Variants in NAV2 observed in about 807,000 individuals in gnomAD.
The protein encoded by NAV2 is neuron navigator 2, also known as helicase, APC down-regulated 1.
A neutral mutation model predicts 223.2 loss-of-function variants in NAV2; 54 were observed. That is an observed-to-expected ratio of 0.24 (90% CI 0.19 to 0.30). NAV2 has a LOEUF of 0.30. NAV2 is among the 10% of genes least tolerant of loss of function. NAV2 has a pLI of 1.00. For synonymous variants in NAV2, 1,279 were observed against 1,239.3 expected, an observed-to-expected ratio of 1.03 and a Z score of -0.67; for missense variants, 2,806 against 3,147.5, an observed-to-expected ratio of 0.89 and a Z score of 2.60.
intron 10 of NAV2, among the ~76,000 whole-genome samples, chr11:19,960,258 A>C (rs1359775342): frequency 1.3e-5 from 2 of 152,176 alleles, no homozygotes; most frequent in Non-Finnish European, 2.9e-5. Flanking sequence ...AAGTGTGCTT[A>C]CATGTACAGG....
At chr11:19,764,758 C>A (rs1050845309) in intron 1 of NAV2, among the ~76,000 whole-genome samples, 1 of 152,152 alleles carries the variant, frequency 6.6e-6, no homozygotes. Flanking sequence ...GTCTAATCAT[C>A]TCAAACTGGT....
intron 1 of NAV2, among the ~76,000 whole-genome samples, chr11:19,420,951 T>C (rs1380190360): frequency 6.6e-6 from 1 of 152,198 alleles, no homozygotes; most frequent in African/African-American, 2.4e-5. Flanking sequence ...CCACGGTGCA[T>C]GGCAGGGTGC....
chr11:19,478,540 A>G (rs1327513878), intron 1 of NAV2, among the ~76,000 whole-genome samples: 1 of 152,242 alleles, frequency 6.6e-6, no homozygotes, highest in Admixed American at 6.5e-5. Context: ...TAATTAATTC[A>G]TCAAATATTG....
chr11:19,863,439 A>G (rs947629042), intron 3 of NAV2, among the ~76,000 whole-genome samples: 1 of 151,162 alleles, frequency 6.6e-6, no homozygotes, highest in African/African-American at 2.4e-5. Context: ...TATTCTCCCC[A>G]CTCTTGGTGC....
At chr11:19,541,840 G>A (rs936425821) in intron 1 of NAV2, among the ~76,000 whole-genome samples, 1 of 152,172 alleles carries the variant, frequency 6.6e-6, no homozygotes, top group African/African-American at 2.4e-5. Flanking sequence ...GCTCCATATG[G>A]CAATGACTAG....
chr11:19,455,426 T>C lies in NAV2; in HGVS notation c.75+104399T>C, dbSNP rs192562002. Among the ~76,000 whole-genome samples, 12 of 152,272 alleles carry C rather than the reference T, an allele frequency of 7.9e-5. No homozygotes were observed. The East Asian group carries it at 2.3e-3, about 29-fold the overall frequency. The stretch of plus-strand genomic sequence containing the variant: ...CATCACATTTTAGGCCACTATATGC[T>C]CTCATAGCACCCTGTAAATTCCATT... On this transcript the variant is annotated intron_variant, in intron 1 of 37. Transcript: ENST00000360655.
chr11:19,921,928 A>T (rs1264899554), intron 6 of NAV2, among the ~76,000 whole-genome samples: 2 of 152,140 alleles, frequency 1.3e-5, no homozygotes, highest in Non-Finnish European at 2.9e-5. Context: ...ATATTGCTAT[A>T]TATGTGTGTG....
At chr11:20,109,815 G>A (rs11025388) in intron 36 of NAV2, among the ~76,000 whole-genome samples, 3,581 of 152,330 alleles carry the variant, frequency 0.024, 50 homozygotes, top group Non-Finnish European at 0.035. Flanking sequence ...AAGAACTCAC[G>A]GGCTCTGCTG....
intron 1 of NAV2, among the ~76,000 whole-genome samples, chr11:19,390,800 C>T (rs1437636042): frequency 1.3e-5 from 2 of 152,070 alleles, no homozygotes; most frequent in East Asian, 3.9e-4. Flanking sequence ...GAAGAAGAAG[C>T]CAAATGTACC....
At chr11:19,997,871 G>A (rs1224548389) in intron 11 of NAV2, among the ~76,000 whole-genome samples, 1 of 152,070 alleles carries the variant, frequency 6.6e-6, no homozygotes, top group Non-Finnish European at 1.5e-5. Context: ...TCCATGGCTG[G>A]CTATAGCCCT....
intron 5 of NAV2, chr11:19,884,381 C>G (rs1222407234): frequency 1.2e-6 from 2 of 1,603,904 alleles, no homozygotes; most frequent in Non-Finnish European, 1.7e-6. Flanking sequence ...TTCTCTGTGT[C>G]CTGCAAAGCA....
At position 19,704,883 on chromosome 11, in the gene NAV2, C is replaced by T. The variant is rs1353428053; in HGVS notation, c.76-127601C>T. Among the ~76,000 whole-genome samples the T allele has an allele frequency of 7.3e-5, 11 of 151,288 alleles. No individual in the cohort carries two copies. In the East Asian group the frequency reaches 2.0e-3, roughly 27 times the overall value. ...AAAATTAGCCGGGCGTCGTGGCGGG[C>T]GCCTGTAGTCCCAGCTACTCGGGAG... On this transcript the variant is annotated intron_variant, in intron 1 of 37. Transcript: ENST00000360655.
At chr11:19,965,822 G>T (rs552932543) in intron 10 of NAV2, among the ~76,000 whole-genome samples, 1 of 152,364 alleles carries the variant, frequency 6.6e-6, no homozygotes, top group South Asian at 2.1e-4. Context: ...ATATAGCAGA[G>T]ATGGCATATG....
intron 1 of NAV2, among the ~76,000 whole-genome samples, chr11:19,397,422 C>T (rs140750454): frequency 5.0e-4 from 21 of 41,776 alleles, no homozygotes; most frequent in South Asian, 3.1e-3. Context: ...TGTGTGTGCG[C>T]GCATGTGTGT....
At chr11:20,056,675 T>C (rs770619506) in intron 19 of NAV2, 1 of 1,263,626 alleles carries the variant, frequency 7.9e-7, no homozygotes, top group East Asian at 2.3e-5. Flanking sequence ...CCCCACCCCA[T>C]GAAGATGGGG....
chr11:20,045,405 A>T lies in NAV2; in HGVS notation c.3637A>T (p.Ser1213Cys), dbSNP rs748200240. ...GGCTGGGAACAGGTCTAGCACCAGCAGCATAGATTCCAACATTAGCAGCAA... is the reference window on the plus strand; with the variant it reads ...GGCTGGGAACAGGTCTAGCACCAGCTGCATAGATTCCAACATTAGCAGCAA... ...NGAGNRSSTSSIDSNISSKSA... is the reference protein window; with the variant it reads ...NGAGNRSSTSCIDSNISSKSA... Residue 1213 changes from serine to cysteine, a missense_variant, in exon 14 of 38, where the codon AGC becomes TGC. Ser to Cys is a moderately radical substitution (Grantham distance 112). This residue lies in a region of NAV2 where 742 missense variants were observed against 777.9 expected (regional missense o/e 0.95). Coordinates refer to ENST00000349880, the MANE Select transcript of NAV2 (RefSeq NM_145117.5). The T allele has an allele frequency of 6.2e-7, 1 of 1,614,206 alleles. No individual in the cohort carries two copies. Among genetic ancestry groups the T allele is most frequent in the Non-Finnish European group, 8.5e-7 (1 of 1,180,038 alleles).
At chr11:20,082,748 C>G (rs1164251955) in intron 25 of NAV2, 5 of 918,606 alleles carry the variant, frequency 5.4e-6, no homozygotes, top group Non-Finnish European at 8.7e-6. Flanking sequence ...GAGCCAGACT[C>G]TGTGTTGCTG....
At chr11:19,962,130 G>T (rs574492400) in intron 10 of NAV2, among the ~76,000 whole-genome samples, 29 of 151,424 alleles carry the variant, frequency 1.9e-4, no homozygotes, top group African/African-American at 6.3e-4. Context: ...CAGCCTATTG[G>T]CCTGCCTACT....
chr11:19,375,489 CA>C (rs2133886975), intron 1 of NAV2, among the ~76,000 whole-genome samples: 1 of 152,316 alleles, frequency 6.6e-6, no homozygotes, highest in South Asian at 2.1e-4. Flanking sequence ...TCCTCCCCCA[CA>C]AACTCAGCTC....
Sources: gnomAD v4.1 joint callset for allele counts (sites outside exome capture counted in the v4.1 genomes callset) on GRCh38, gnomAD v4.1.1 for gene constraint, gnomAD v4.1.1 regional missense constraint, MANE v1.5 for transcripts, NCBI Gene and HGNC (gene_info 2026-07-23, HGNC 2026-07-21) for gene names.